CFAP92: variants seen among roughly 807,000 people sequenced by gnomAD.
The protein encoded by CFAP92 is cilia and flagella associated protein 92 (putative), also known as uncharacterized protein CFAP92.
CFAP92 carries 86 observed loss-of-function variants against 106.3 expected under a neutral mutation model. That is an observed-to-expected ratio of 0.81 (90% CI 0.68 to 0.97). The LOEUF (loss-of-function observed/expected upper bound fraction) is 0.97. CFAP92 is among the 50% of genes least tolerant of loss of function. The pLI is 0.00. For missense variants in CFAP92, 1,204 were observed against 1,283.8 expected (o/e 0.94, Z 0.95); for synonymous variants, 477 against 506.4 (o/e 0.94, Z 0.78).
At chr3:128,923,431 C>G (rs1937464006) in intron 12 of CFAP92, among the ~76,000 whole-genome samples, 1 of 152,188 alleles carries the variant, frequency 6.6e-6, no homozygotes, top group Non-Finnish European at 1.5e-5. Context: ...GCTTAATGGA[C>G]CAATGCTTTC....
the CFAP92 span, among the ~76,000 whole-genome samples, chr3:129,024,922 G>A: frequency 0.03 from 4,630 of 152,262 alleles, 104 homozygotes; most frequent in Non-Finnish European, 0.047. Flanking sequence ...AGAACCAGGA[G>A]GATTTTCTGG....
At chr3:129,010,208 G>T in the CFAP92 span, among the ~76,000 whole-genome samples, 1 of 152,234 alleles carries the variant, frequency 6.6e-6, no homozygotes. The surrounding 1 kb of genome is among the most constrained non-coding windows in gnomAD (Gnocchi z 4.3). Context: ...TCAGTAGAAG[G>T]TCTCTGGTGG....
At chr3:128,951,271 T>G (rs191231456) in intron 9 of CFAP92, among the ~76,000 whole-genome samples, 2 of 151,194 alleles carry the variant, frequency 1.3e-5, no homozygotes, top group Non-Finnish European at 2.9e-5. Context: ...AGAGTCAGCA[T>G]CTAGCTAACA....
chr3:128,995,903 C>A (rs1944462531), upstream of CFAP92, among the ~76,000 whole-genome samples: 1 of 152,244 alleles, frequency 6.6e-6, no homozygotes, highest in African/African-American at 2.4e-5. Context: ...TTCCGGCAGG[C>A]ATTGTGAGGT....
chr3:128,943,464 G>T (rs954816664), intron 10 of CFAP92, among the ~76,000 whole-genome samples: 1 of 152,068 alleles, frequency 6.6e-6, no homozygotes, highest in Non-Finnish European at 1.5e-5. Flanking sequence ...TACAATATGT[G>T]CCATTTTGTG....
chr3:128,962,461 G>A (rs1942009378), intron 9 of CFAP92, among the ~76,000 whole-genome samples: 1 of 151,952 alleles, frequency 6.6e-6, no homozygotes, highest in South Asian at 2.1e-4. Flanking sequence ...TCCCTTATTA[G>A]ACCGAGATAT....
intron 9 of CFAP92, among the ~76,000 whole-genome samples, chr3:128,947,835 C>CA (rs1267194911): frequency 6.7e-6 from 1 of 148,514 alleles, no homozygotes; most frequent in Non-Finnish European, 1.5e-5. Flanking sequence ...GATTCTGTCT[C>CA]AAAAAAGAAA....
the CFAP92 span, among the ~76,000 whole-genome samples, chr3:129,015,413 C>T: frequency 9.9e-5 from 15 of 152,016 alleles, no homozygotes; most frequent in Admixed American, 6.5e-4. Flanking sequence ...TTGAGGTCTG[C>T]TCCTTCGGGG....
chr3:128,956,207 T>TAAAAAAAAAAAAAAAAAAAAAAAAAAA (rs1256391409), intron 9 of CFAP92, among the ~76,000 whole-genome samples: 1 of 53,194 alleles, frequency 1.9e-5, no homozygotes, highest in Non-Finnish European at 3.3e-5. Flanking sequence ...AAAAAAAAAA[T>TAAAAAAAAAAAAAAAAAAAAAAAAAAA]AAAAAAATAA....
chr3:128,996,435 C>T (rs1291386696), upstream of CFAP92, among the ~76,000 whole-genome samples: 1 of 152,068 alleles, frequency 6.6e-6, no homozygotes, highest in Non-Finnish European at 1.5e-5. Context: ...GAATATGGAA[C>T]CACTGCCCTG....
At chr3:128,931,525 G>GTATA (rs766426721) in intron 12 of CFAP92, among the ~76,000 whole-genome samples, 4 of 120,622 alleles carry the variant, frequency 3.3e-5, no homozygotes, top group South Asian at 4.5e-4. Context: ...ATGTATGTAT[G>GTATA]TGTATATATA....
chr3:128,922,672 T>C (rs1937391607), intron 12 of CFAP92, among the ~76,000 whole-genome samples: 1 of 152,216 alleles, frequency 6.6e-6, no homozygotes, highest in South Asian at 2.1e-4. Context: ...ATCACTGGCA[T>C]AGGGCCTGCT....
chr3:128,990,297 G>C (rs1398372008), intron 2 of CFAP92, among the ~76,000 whole-genome samples: 2 of 152,220 alleles, frequency 1.3e-5, no homozygotes, highest in African/African-American at 2.4e-5. Context: ...AGGAGTTCCA[G>C]ACCAGCCTGG....
rs1227477530 is a variant in CFAP92, at chr3:128,993,308, G to A, written c.-4C>T. ...ACTCCCAGGCATGTAGCGACATGCT[G>A]CAGAGCGCACTGCTGGCCGCCGGCG... On this transcript the variant is annotated 5_prime_UTR_variant, in exon 2 of 16. Transcript: ENST00000645291. The A allele has an allele frequency of 1.9e-6, 3 of 1,611,814 alleles. No homozygotes were observed. In the Admixed American group the frequency reaches 5.0e-5, roughly 27 times the overall value.
At position 128,935,243 on chromosome 3, in the gene CFAP92, C is replaced by G; in HGVS notation, c.2335G>C (p.Asp779His). Residue 779 changes from aspartate (D) to histidine (H), a missense_variant, in exon 11 of 16, where the codon GAC becomes CAC. By Grantham distance (81) the Asp-to-His change is moderately conservative (BLOSUM62 -1). Coordinates refer to ENST00000645291, the MANE Select transcript of CFAP92 (RefSeq NM_001394090.1). Reference sequence around the variant, plus strand: ...ACGTGGTACAGGATGGCCTCCAGGTCCCCATAGAGCCGGCTGCGGAACAGC... The same window carrying G: ...ACGTGGTACAGGATGGCCTCCAGGTGCCCATAGAGCCGGCTGCGGAACAGC... ...QLLFRSRLYG[D>H]LEAILYHVHL... 1 of 1,535,964 alleles carries G rather than the reference C, an allele frequency of 6.5e-7. No individual in the cohort carries two copies. The highest frequency in any genetic ancestry group is 8.7e-7 in the Non-Finnish European group (1 of 1,146,780).
chr3:128,968,336 T>G (rs1456839325), intron 8 of CFAP92: 8 of 152,150 alleles, frequency 5.3e-5, no homozygotes, highest in African/African-American at 1.9e-4. Context: ...CCAACCAATA[T>G]TTACTAATAA....
chr3:128,916,218 C>T lies in CFAP92; in HGVS notation c.2805G>A (p.Ala935=), dbSNP rs749272648. Reference sequence around the variant, plus strand: ...CAGGGGCTGAAATTTTAATCACCTTCGCCACGGACTTCGGAGGCTTCTTGC... The same window carrying T: ...CAGGGGCTGAAATTTTAATCACCTTTGCCACGGACTTCGGAGGCTTCTTGC... ...QVSKKPPKSV[A]KVIKISAPAN... Residue 935 remains alanine, a synonymous_variant, in exon 13 of 16, where the codon GCG becomes GCA. Transcript: ENST00000645291. 3.2e-4 allele frequency: 389 copies of T among 1,232,094 alleles called. 2 individuals carry two copies. Among genetic ancestry groups the T allele is most frequent in the Non-Finnish European group, 3.8e-4 (380 of 987,976 alleles). 76.3% of individuals were successfully genotyped at this position (1,232,094 alleles called of 1,614,324 possible).
the CFAP92 span, among the ~76,000 whole-genome samples, chr3:129,023,549 G>A: frequency 6.6e-6 from 1 of 152,074 alleles, no homozygotes; most frequent in Non-Finnish European, 1.5e-5. Flanking sequence ...AGCCAGGATG[G>A]TCTCGACCTC....
intron 9 of CFAP92, among the ~76,000 whole-genome samples, chr3:128,952,621 G>A (rs1249565802): frequency 6.6e-6 from 1 of 152,100 alleles, no homozygotes; most frequent in East Asian, 1.9e-4. Context: ...AGAAACAGGA[G>A]ATATAAAGAA....
Sources: allele counts gnomAD v4.1 joint callset (sites outside exome capture counted in the v4.1 genomes callset), GRCh38; gene constraint gnomAD v4.1.1; non-coding constraint Gnocchi (gnomAD v3.1); transcripts MANE v1.5; gene names NCBI Gene and HGNC (gene_info 2026-07-23, HGNC 2026-07-21).